BAZ2B: variants seen among roughly 807,000 people sequenced by gnomAD.
BAZ2B encodes the protein bromodomain adjacent to zinc finger domain protein 2B.
Under a neutral mutation model 246.0 loss-of-function variants are expected in BAZ2B, and 91 were observed. The ratio of observed to expected loss-of-function variants is 0.37; its 90% CI spans 0.31 to 0.44. The LOEUF (loss-of-function observed/expected upper bound fraction) is 0.44. Among genes scored for constraint, BAZ2B ranks in the 20% least tolerant of loss-of-function variants. BAZ2B has a pLI of 1.00. For missense variants in BAZ2B, 2,332 were observed against 2,533.7 expected (o/e 0.92, Z 1.71); for synonymous variants, 855 against 860.0 (o/e 0.99, Z 0.10).
chr2:159,355,392 G>C (rs1363731716), intron 27 of BAZ2B, among the ~76,000 whole-genome samples: 33 of 152,126 alleles, frequency 2.2e-4, no homozygotes, highest in Admixed American at 2.2e-3. Context: ...AGAGACTAAA[G>C]GAAGCAGATT....
chr2:159,695,578 C>A, the BAZ2B span, among the ~76,000 whole-genome samples: 9,396 of 151,912 alleles, frequency 0.062, 396 homozygotes, highest in Middle Eastern at 0.12. Context: ...GGTAGGGGTC[C>A]AACTTCATTC....
intron 14 of BAZ2B, among the ~76,000 whole-genome samples, chr2:159,408,497 CA>C (rs2066309315): frequency 6.6e-6 from 1 of 151,564 alleles, no homozygotes; most frequent in African/African-American, 2.4e-5. Context: ...ATATTTGGGC[CA>C]AAAAAATTTA....
At chr2:159,449,128 A>T (rs1311623095) in intron 4 of BAZ2B, among the ~76,000 whole-genome samples, 2 of 152,186 alleles carry the variant, frequency 1.3e-5, no homozygotes, top group Non-Finnish European at 1.5e-5. Flanking sequence ...TGTTTTATTG[A>T]TATAAAATGA....
chr2:159,694,379 C>A, the BAZ2B span: 1 of 152,078 alleles, frequency 6.6e-6, no homozygotes, highest in South Asian at 2.1e-4. Context: ...AATATATAAT[C>A]CAGTGGCTTT....
At position 159,350,371 on chromosome 2, in the gene BAZ2B, A is replaced by G; in HGVS notation, c.4214-14T>C. The G allele has an allele frequency of 6.7e-7, 1 of 1,496,590 alleles. No homozygotes were observed. The highest frequency in any genetic ancestry group is 8.9e-7 in the Non-Finnish European group (1 of 1,125,798). The allele number at this position is 1,496,590 out of a possible 1,614,324, so 92.7% of individuals were successfully genotyped here. ...TTTCTTCTAGTCCTACAAAATGAAA[A>G]AGCATTATGAACATCAGTTACTCCA... On this transcript the variant is annotated splice_polypyrimidine_tract_variant and intron_variant, in intron 27 of 36. Coordinates refer to ENST00000392783, the MANE Select transcript of BAZ2B (RefSeq NM_013450.4).
chr2:159,601,733 A>C (rs1025029185), intron 1 of BAZ2B, among the ~76,000 whole-genome samples: 1 of 152,204 alleles, frequency 6.6e-6, no homozygotes, highest in Non-Finnish European at 1.5e-5. Flanking sequence ...AAATAAAAAA[A>C]AAGATAGAAA....
chr2:159,418,802 T>C (rs371192289), intron 13 of BAZ2B, among the ~76,000 whole-genome samples: 2 of 152,128 alleles, frequency 1.3e-5, no homozygotes, highest in Non-Finnish European at 2.9e-5. Context: ...AAGTTAACAT[T>C]TGAGATGCCT....
intron 13 of BAZ2B, among the ~76,000 whole-genome samples, chr2:159,418,208 C>T (rs951896038): frequency 1.3e-5 from 2 of 152,140 alleles, no homozygotes; most frequent in Non-Finnish European, 2.9e-5. Context: ...GACTTATAAA[C>T]AGACTTTTAA....
chr2:159,436,766 A>C (rs567570251), intron 8 of BAZ2B, among the ~76,000 whole-genome samples: 2 of 152,290 alleles, frequency 1.3e-5, no homozygotes, highest in South Asian at 4.1e-4. Context: ...AAAGAAAAAG[A>C]AAAAACAGTT....
intron 3 of BAZ2B, among the ~76,000 whole-genome samples, chr2:159,455,833 T>C (rs547001030): frequency 6.8e-6 from 1 of 146,012 alleles, no homozygotes; most frequent in East Asian, 2.1e-4. Flanking sequence ...AAAATGAGCT[T>C]GTAACTATAA....
chr2:159,532,731 T>C (rs2085504745), intron 2 of BAZ2B, among the ~76,000 whole-genome samples: 1 of 152,178 alleles, frequency 6.6e-6, no homozygotes, highest in Non-Finnish European at 1.5e-5. Context: ...TTTTCTGCTC[T>C]GGCACTCTCT....
chr2:159,602,285 A>T (rs181703118), intron 1 of BAZ2B, among the ~76,000 whole-genome samples: 38 of 152,326 alleles, frequency 2.5e-4, no homozygotes, highest in Admixed American at 2.2e-3. Context: ...AAGAAACAGG[A>T]AGAGGAAAGG....
intron 2 of BAZ2B, among the ~76,000 whole-genome samples, chr2:159,484,549 A>C (rs2079605592): frequency 6.6e-6 from 1 of 152,226 alleles, no homozygotes; most frequent in Admixed American, 6.5e-5. Flanking sequence ...AATTTATGAA[A>C]ATGACAGACC....
chr2:159,566,887 A>G (rs1682728847), intron 1 of BAZ2B, among the ~76,000 whole-genome samples: 1 of 152,192 alleles, frequency 6.6e-6, no homozygotes, highest in African/African-American at 2.4e-5. Flanking sequence ...TACAGGTTAA[A>G]TGCAAACTAA....
At chr2:159,655,857 T>C in the BAZ2B span, among the ~76,000 whole-genome samples, 7 of 152,334 alleles carry the variant, frequency 4.6e-5, no homozygotes, top group Non-Finnish European at 7.4e-5. Flanking sequence ...GAGTCACTGC[T>C]ATTATGTTTC....
intron 2 of BAZ2B, among the ~76,000 whole-genome samples, chr2:159,485,256 A>G (rs918583291): frequency 6.6e-6 from 1 of 152,218 alleles, no homozygotes; most frequent in South Asian, 2.1e-4. Context: ...AAAACCAGGC[A>G]ACAAATGAAA....
At chr2:159,518,522 A>C (rs1175547771) in intron 2 of BAZ2B, among the ~76,000 whole-genome samples, 1 of 152,172 alleles carries the variant, frequency 6.6e-6, no homozygotes, top group African/African-American at 2.4e-5. Flanking sequence ...ACTATGTGCA[A>C]AATGAGGTGG....
At chr2:159,619,832 GA>G (rs1486943425), upstream of BAZ2B, among the ~76,000 whole-genome samples, 2 of 152,000 alleles carry the variant, frequency 1.3e-5, no homozygotes, top group Non-Finnish European at 2.9e-5. Context: ...AGTTGAGGGG[GA>G]AAACTTCAGA....
In BAZ2B at chr2:159,398,929, C is replaced by G. The variant is rs562650117; in HGVS notation, c.2899-35G>C. On this transcript the variant is annotated intron_variant, in intron 17 of 36. Transcript: ENST00000392783. ...CAAAACAGGTCTCAAAGTCATGCAA[C>G]AGCACCACTACAACTTGCAAATAAT... 3.5e-4 allele frequency: 556 copies of G among 1,579,236 alleles called. 5 individuals are homozygous for G. The South Asian group carries it at 5.9e-3, about 17-fold the overall frequency.
Sources: gnomAD v4.1 joint callset for allele counts (sites outside exome capture counted in the v4.1 genomes callset) on GRCh38, gnomAD v4.1.1 for gene constraint, MANE v1.5 for transcripts, NCBI Gene and HGNC (gene_info 2026-07-23, HGNC 2026-07-21) for gene names.